Variants in DOK6 observed in about 807,000 individuals in gnomAD.
DOK6 encodes the protein downstream of tyrosine kinase 6.
In DOK6, 22 loss-of-function variants were observed where a neutral mutation model predicts 44.0. The ratio of observed to expected loss-of-function variants is 0.50; its 90% CI spans 0.36 to 0.71. DOK6 has a LOEUF of 0.71. Ranked by LOEUF, DOK6 falls within the 30% of genes least tolerant of loss-of-function variation. The pLI, the probability that DOK6 is intolerant of heterozygous loss-of-function variation, is 0.00. For synonymous variants in DOK6, 166 were observed against 145.5 expected (o/e 1.14, Z -1.01); for missense variants, 340 against 416.4 (o/e 0.82, Z 1.60).
intron 1 of DOK6, among the ~76,000 whole-genome samples, chr18:69,507,644 T>C (rs1255060728): frequency 6.6e-6 from 1 of 152,186 alleles, no homozygotes; most frequent in African/African-American, 2.4e-5. Context: ...TCATCTTTCA[T>C]GGTGCTGTTG....
intron 7 of DOK6, among the ~76,000 whole-genome samples, chr18:69,802,433 A>G (rs1268467129): frequency 1.3e-5 from 2 of 152,162 alleles, no homozygotes; most frequent in Non-Finnish European, 2.9e-5. Context: ...CTTATCTCAA[A>G]TTTCTAAAAA....
chr18:69,436,118 G>A (rs12458719), intron 1 of DOK6, among the ~76,000 whole-genome samples: 30,453 of 151,084 alleles, frequency 0.2, 3,377 homozygotes, highest in South Asian at 0.31. Context: ...ATAAATCACC[G>A]CAGCCTCTCT....
At chr18:69,744,349 T>C (rs933456384) in intron 6 of DOK6, among the ~76,000 whole-genome samples, 2 of 151,978 alleles carry the variant, frequency 1.3e-5, no homozygotes, top group Non-Finnish European at 2.9e-5. Context: ...ACAGTTATTA[T>C]TCAGAGTTCT....
chr18:69,721,661 C>A (rs1978288856), intron 5 of DOK6, among the ~76,000 whole-genome samples: 1 of 152,154 alleles, frequency 6.6e-6, no homozygotes. Flanking sequence ...TATATTAGTT[C>A]TTTCATAAGC....
intron 7 of DOK6, among the ~76,000 whole-genome samples, chr18:69,835,488 A>C (rs75695452): frequency 0.58 from 86,511 of 148,854 alleles, 26,872 homozygotes; most frequent in East Asian, 0.76. Context: ...CAACAACAAA[A>C]AAAAAAACAG....
intron 1 of DOK6, among the ~76,000 whole-genome samples, chr18:69,415,547 C>A (rs1978326969): frequency 6.6e-6 from 1 of 152,036 alleles, no homozygotes; most frequent in South Asian, 2.1e-4. Context: ...AGATAGGCAC[C>A]AGATATTTAT....
chr18:69,762,837 C>T (rs190496938), intron 7 of DOK6, among the ~76,000 whole-genome samples: 3 of 152,296 alleles, frequency 2.0e-5, no homozygotes, highest in Non-Finnish European at 2.9e-5. Flanking sequence ...TAGATACACA[C>T]GTAAAGATTG....
At chr18:69,401,459 G>A (rs1213334093) in intron 1 of DOK6, 149 bp downstream of exon 1, 2 of 989,944 alleles carry the variant, frequency 2.0e-6, no homozygotes, top group Non-Finnish European at 2.7e-6. Context: ...TGCTTGGCCA[G>A]GTGGGGGCCC....
chr18:69,503,790 A>G (rs1320008923), intron 1 of DOK6, among the ~76,000 whole-genome samples: 1 of 152,022 alleles, frequency 6.6e-6, no homozygotes, highest in Admixed American at 6.5e-5. Context: ...GTGTCATTTT[A>G]TATTGAATAA....
At chr18:69,414,171 A>G (rs1978318530) in intron 1 of DOK6, among the ~76,000 whole-genome samples, 1 of 152,096 alleles carries the variant, frequency 6.6e-6, no homozygotes, top group African/African-American at 2.4e-5. Flanking sequence ...CACTCTGGAA[A>G]ACAATTTGTC....
intron 5 of DOK6, among the ~76,000 whole-genome samples, chr18:69,716,481 C>T (rs1367091310): frequency 1.3e-5 from 2 of 152,050 alleles, no homozygotes; most frequent in Non-Finnish European, 2.9e-5. Context: ...AAACCTTAAC[C>T]CCTGAAATAG....
At chr18:69,582,738 C>T (rs1983400222) in intron 2 of DOK6, among the ~76,000 whole-genome samples, 1 of 152,070 alleles carries the variant, frequency 6.6e-6, no homozygotes, top group Non-Finnish European at 1.5e-5. Context: ...TTATATAATT[C>T]TTACACATTT....
At chr18:69,588,301 T>C (rs1292327025) in intron 2 of DOK6, among the ~76,000 whole-genome samples, 2 of 152,212 alleles carry the variant, frequency 1.3e-5, no homozygotes, top group Admixed American at 6.5e-5. Context: ...TTACATATTA[T>C]AGCAGAAAAA....
intron 4 of DOK6, among the ~76,000 whole-genome samples, chr18:69,698,193 A>G (rs4522502): frequency 0.092 from 14,072 of 152,192 alleles, 952 homozygotes; most frequent in African/African-American, 0.19. Context: ...CGTTGAGTGA[A>G]TGAATGAATT....
intron 3 of DOK6, among the ~76,000 whole-genome samples, chr18:69,646,142 A>T (rs1330132693): frequency 6.6e-6 from 1 of 152,176 alleles, no homozygotes; most frequent in Non-Finnish European, 1.5e-5. Context: ...TTCAAAATGT[A>T]GATTTGAGTT....
chr18:69,541,304 G>T (rs1476363449), intron 1 of DOK6, among the ~76,000 whole-genome samples: 1 of 151,438 alleles, frequency 6.6e-6, no homozygotes, highest in Admixed American at 6.6e-5. Flanking sequence ...ATATGTACTT[G>T]CTTGTGATGG....
intron 7 of DOK6, among the ~76,000 whole-genome samples, chr18:69,825,176 C>A (rs1014964605): frequency 2.6e-5 from 4 of 152,046 alleles, no homozygotes; most frequent in Non-Finnish European, 5.9e-5. Flanking sequence ...GACAAAAAGA[C>A]TCGAACAAAC....
chr18:69,813,110 T>G (rs1243169075), intron 7 of DOK6, among the ~76,000 whole-genome samples: 1 of 152,146 alleles, frequency 6.6e-6, no homozygotes, highest in East Asian at 1.9e-4. Context: ...AAGACTCTAC[T>G]TCATGCCTAC....
intron 3 of DOK6, among the ~76,000 whole-genome samples, chr18:69,617,744 A>AAGAAAGAAAGAAAAAGG: frequency 7.1e-6 from 1 of 141,774 alleles, no homozygotes; most frequent in Non-Finnish European, 1.6e-5. Flanking sequence ...GAAGGAGGGA[A>AAGAAAGAAAGAAAAAGG]GGAAGGAAGG....
Sources: allele counts gnomAD v4.1 joint callset (sites outside exome capture counted in the v4.1 genomes callset), GRCh38; gene constraint gnomAD v4.1.1; transcripts MANE v1.5; gene names NCBI Gene and HGNC (gene_info 2026-07-23, HGNC 2026-07-21).